Variants in RALGPS1 observed in about 807,000 individuals in gnomAD.
The protein encoded by RALGPS1 is ras-specific guanine nucleotide-releasing factor RalGPS1.
A neutral mutation model predicts 78.8 loss-of-function variants in RALGPS1; 19 were observed. The observed-to-expected ratio is 0.24, with a 90% CI of 0.17 to 0.35. RALGPS1 has a LOEUF of 0.35. Among genes scored for constraint, RALGPS1 ranks in the 10% least tolerant of loss-of-function variants. The probability of loss-of-function intolerance (pLI) is 1.00; values close to 1 mark genes in which losing one functional copy is unlikely to be tolerated. For synonymous variants in RALGPS1, 228 were observed against 256.3 expected, an observed-to-expected ratio of 0.89 and a Z score of 1.06; for missense variants, 454 against 688.3, an observed-to-expected ratio of 0.66 and a Z score of 3.81.
At chr9:126,951,540 G>A (rs1476052637) in intron 1 of RALGPS1, among the ~76,000 whole-genome samples, 1 of 150,608 alleles carries the variant, frequency 6.6e-6, no homozygotes, top group Non-Finnish European at 1.5e-5. Flanking sequence ...ATGTAATCCA[G>A]CATATAAACA....
At chr9:127,098,241 T>C (rs1484113541) in intron 8 of RALGPS1, among the ~76,000 whole-genome samples, 2 of 151,856 alleles carry the variant, frequency 1.3e-5, no homozygotes, top group African/African-American at 4.8e-5. Context: ...TGAAACTGAG[T>C]TTTCAACGTG....
chr9:127,069,486 C>G (rs1338648925), intron 8 of RALGPS1, 130 bp downstream of exon 8: 1 of 1,076,918 alleles, frequency 9.3e-7, no homozygotes, highest in Non-Finnish European at 1.3e-6. Context: ...AATTGGTTGG[C>G]TCTTTGGGTT....
intron 11 of RALGPS1, among the ~76,000 whole-genome samples, chr9:127,193,615 T>G (rs769133100): frequency 1.3e-4 from 19 of 151,856 alleles, no homozygotes; most frequent in Non-Finnish European, 1.0e-4. Flanking sequence ...GGGGTGTGGG[T>G]CATTATTTTG....
chr9:127,135,780 A>G (rs1047205710), intron 8 of RALGPS1, among the ~76,000 whole-genome samples: 1 of 152,044 alleles, frequency 6.6e-6, no homozygotes, highest in Non-Finnish European at 1.5e-5. Flanking sequence ...ACTCTATCCT[A>G]CCTCCTCCCA....
At chr9:127,159,248 G>A (rs2058878113) in intron 8 of RALGPS1, among the ~76,000 whole-genome samples, 1 of 152,134 alleles carries the variant, frequency 6.6e-6, no homozygotes, top group African/African-American at 2.4e-5. Flanking sequence ...TGCAAACAGT[G>A]GGTTACCTCT....
chr9:127,080,584 C>A (rs1005904341), intron 8 of RALGPS1, among the ~76,000 whole-genome samples: 8 of 152,172 alleles, frequency 5.3e-5, no homozygotes, highest in Admixed American at 5.2e-4. Context: ...AGATATTGTA[C>A]AGTGGCAGCA....
At chr9:126,958,558 G>A (rs1195591180) in intron 1 of RALGPS1, among the ~76,000 whole-genome samples, 3 of 152,132 alleles carry the variant, frequency 2.0e-5, no homozygotes, top group Admixed American at 6.5e-5. Flanking sequence ...CCGAGCATGT[G>A]TTTTAAGGTT....
At chr9:126,938,119 A>G (rs1431454003) in intron 1 of RALGPS1, among the ~76,000 whole-genome samples, 2 of 152,226 alleles carry the variant, frequency 1.3e-5, no homozygotes, top group African/African-American at 4.8e-5. Flanking sequence ...GCACTGATGC[A>G]AAACGTCGTA....
At chr9:127,039,667 G>C (rs1375385334) in intron 5 of RALGPS1, among the ~76,000 whole-genome samples, 1 of 152,176 alleles carries the variant, frequency 6.6e-6, no homozygotes, top group Non-Finnish European at 1.5e-5. Flanking sequence ...GCCAAGACCT[G>C]GGTGCCTCTT....
At chr9:127,068,125 T>G (rs1164518320) in intron 7 of RALGPS1, among the ~76,000 whole-genome samples, 1 of 152,276 alleles carries the variant, frequency 6.6e-6, no homozygotes, top group Non-Finnish European at 1.5e-5. Flanking sequence ...GGATACCTGT[T>G]CATCCTGTAT....
In RALGPS1 at chr9:127,221,869, C is replaced by T. The variant is rs2131088972; in HGVS notation, c.*3100C>T. On this transcript the variant is annotated 3_prime_UTR_variant, in exon 19 of 19. Coordinates refer to ENST00000259351, the MANE Select transcript of RALGPS1 (RefSeq NM_014636.3). ...ACAGGAAGCCACTTGCAAGCAACAT[C>T]TGCTCTGTTCCTCAGGTGGGGCCCA... 1 of 152,352 alleles carries T rather than the reference C, an allele frequency of 6.6e-6. No individual in the cohort carries two copies. The allele number at this position is 152,352 out of a possible 1,614,324, so 9.4% of individuals were successfully genotyped here.
chr9:127,153,375 C>CTTTTTTTT (rs60308901), intron 8 of RALGPS1, among the ~76,000 whole-genome samples: 1 of 102,114 alleles, frequency 9.8e-6, no homozygotes, highest in Admixed American at 1.1e-4. Context: ...TAGAGGATTA[C>CTTTTTTTT]TTTTTTTTTT....
rs2062352623 is a variant in RALGPS1, at chr9:127,212,822, G to A, written c.1446+103G>A. On this transcript the variant is annotated intron_variant, in intron 16 of 18. Coordinates refer to ENST00000259351, the MANE Select transcript of RALGPS1 (RefSeq NM_014636.3). The surrounding 1 kb of genome is among the most constrained non-coding windows in gnomAD (Gnocchi z 6.0). ...GGTGGGAAAGGGATCTGTGTGAACT[G>A]CGGAGGATGCAGGTGGGAAGGCGGC... The A allele has an allele frequency of 6.5e-7, 1 of 1,544,392 alleles. No homozygotes were observed. The highest frequency in any genetic ancestry group is 8.9e-7 in the Non-Finnish European group (1 of 1,129,938).
intron 8 of RALGPS1, among the ~76,000 whole-genome samples, chr9:127,115,109 G>A (rs2055260497): frequency 6.6e-6 from 1 of 152,168 alleles, no homozygotes; most frequent in Admixed American, 6.5e-5. Context: ...TATCTCATTG[G>A]CTCTTAATAG....
chr9:126,958,126 TAAA>T (rs11290290), intron 1 of RALGPS1, among the ~76,000 whole-genome samples: 3,679 of 77,332 alleles, frequency 0.048, 161 homozygotes, highest in Non-Finnish European at 0.079. Context: ...GCTGTCTCTT[TAAA>T]AAAAAAAAAA....
At chr9:126,980,698 A>G (rs1014064529) in intron 4 of RALGPS1, among the ~76,000 whole-genome samples, 1 of 152,208 alleles carries the variant, frequency 6.6e-6, no homozygotes, top group African/African-American at 2.4e-5. Context: ...CCCTTAATTC[A>G]GCCCACAGAG....
At chr9:126,994,424 G>T (rs2133309236) in intron 4 of RALGPS1, among the ~76,000 whole-genome samples, 1 of 152,114 alleles carries the variant, frequency 6.6e-6, no homozygotes, top group African/African-American at 2.4e-5. Flanking sequence ...GGAAGAAAGG[G>T]TATCAGTGAT....
intron 4 of RALGPS1, among the ~76,000 whole-genome samples, chr9:127,027,813 G>T (rs908276537): frequency 6.6e-6 from 1 of 152,214 alleles, no homozygotes; most frequent in Non-Finnish European, 1.5e-5. Flanking sequence ...GAATCAGACT[G>T]AGGTTTGAAT....
chr9:126,930,821 A>C (rs1028531437), intron 1 of RALGPS1, among the ~76,000 whole-genome samples: 1 of 152,186 alleles, frequency 6.6e-6, no homozygotes, highest in African/African-American at 2.4e-5. Context: ...CATTTCTACA[A>C]ATGTTTGAGT....
Sources: gnomAD v4.1 joint callset for allele counts (sites outside exome capture counted in the v4.1 genomes callset) on GRCh38, gnomAD v4.1.1 for gene constraint, Gnocchi (gnomAD v3.1) non-coding constraint, MANE v1.5 for transcripts, NCBI Gene and HGNC (gene_info 2026-07-23, HGNC 2026-07-21) for gene names.